The following CCDC141 variants were observed in gnomAD, a reference collection of about 807,000 sequenced individuals.
CCDC141 encodes coiled-coil domain-containing protein 141.
Under a neutral mutation model 181.0 loss-of-function variants are expected in CCDC141, and 168 were observed. That is an observed-to-expected ratio of 0.93 (90% CI 0.82 to 1.05). CCDC141 has a LOEUF of 1.05. CCDC141 is among the 50% of genes least tolerant of loss of function. CCDC141 has a pLI of 0.00. For missense variants in CCDC141, 1,902 were observed against 1,788.5 expected (o/e 1.06, Z -1.14); for synonymous variants, 666 against 642.3 (o/e 1.04, Z -0.56).
At chr2:178,986,974 G>T (rs923170023) in intron 2 of CCDC141, among the ~76,000 whole-genome samples, 1 of 151,984 alleles carries the variant, frequency 6.6e-6, no homozygotes, top group African/African-American at 2.4e-5. Context: ...CTACTTTACA[G>T]TTCATATGGA....
At chr2:178,852,578 G>A (rs1685209589) in intron 20 of CCDC141, among the ~76,000 whole-genome samples, 1 of 152,076 alleles carries the variant, frequency 6.6e-6, no homozygotes, top group African/African-American at 2.4e-5. Context: ...AACAATTTAA[G>A]TAGTATACTA....
intron 2 of CCDC141, among the ~76,000 whole-genome samples, chr2:178,989,281 A>C (rs1691910893): frequency 6.6e-6 from 1 of 152,150 alleles, no homozygotes; most frequent in African/African-American, 2.4e-5. Flanking sequence ...CAGAATATAC[A>C]AAGAGCTCTT....
intron 6 of CCDC141, among the ~76,000 whole-genome samples, chr2:178,931,364 A>G (rs1338781566): frequency 1.3e-5 from 2 of 152,214 alleles, no homozygotes; most frequent in Non-Finnish European, 2.9e-5. Flanking sequence ...AAAAAAACCC[A>G]TATACATGAA....
chr2:178,956,353 A>G (rs1487828005), intron 5 of CCDC141, among the ~76,000 whole-genome samples: 1 of 152,160 alleles, frequency 6.6e-6, no homozygotes, highest in East Asian at 1.9e-4. Context: ...CTGAAATGCA[A>G]TGGTGCAATC....
intron 7 of CCDC141, among the ~76,000 whole-genome samples, chr2:178,911,519 C>T (rs530414819): frequency 1.3e-5 from 2 of 152,276 alleles, no homozygotes; most frequent in African/African-American, 4.8e-5. Context: ...ACTTAATACC[C>T]TACAATTCCA....
At chr2:178,934,114 C>T (rs978886900) in intron 6 of CCDC141, among the ~76,000 whole-genome samples, 1 of 151,922 alleles carries the variant, frequency 6.6e-6, no homozygotes, top group South Asian at 2.1e-4. Flanking sequence ...TTTCAACACC[C>T]CCCAGGTGAC....
the CCDC141 span, among the ~76,000 whole-genome samples, chr2:178,823,052 C>T: frequency 2.0e-5 from 3 of 151,954 alleles, no homozygotes; most frequent in Non-Finnish European, 4.4e-5. Flanking sequence ...GAAGCCAGTA[C>T]ATTTGACTGC....
chr2:178,996,086 CTTTTT>C lies in CCDC141; in HGVS notation c.226-17416_226-17412del, dbSNP rs11356005. Among the ~76,000 whole-genome samples, 5 of 137,620 alleles carry C rather than the reference CTTTTT, an allele frequency of 3.6e-5. No homozygotes were observed. In the East Asian group the frequency reaches 1.0e-3, roughly 28 times the overall value. The allele number at this position is 137,620 out of a possible 152,430, so 90.3% of individuals were successfully genotyped here. A position where few individuals can be genotyped will look rare whatever the true frequency, so the allele number is the denominator to read the frequency against. ...ACAAATTCCATGAAATTTTAAAATT[CTTTTT>C]TTTTTTTTTTGGTGAGATGGAGTCT... is the stretch of plus-strand genomic sequence containing the variant. On this transcript the variant is annotated intron_variant, in intron 2 of 23. Coordinates refer to ENST00000443758, the MANE Select transcript of CCDC141 (RefSeq NM_173648.4).
intron 6 of CCDC141, among the ~76,000 whole-genome samples, chr2:178,939,130 C>T (rs1329662416): frequency 2.6e-5 from 4 of 152,104 alleles, no homozygotes; most frequent in Non-Finnish European, 1.5e-5. Context: ...TTCCAGAAAT[C>T]CTAACCCTGT....
chr2:178,952,532 G>A (rs969698279), intron 5 of CCDC141, among the ~76,000 whole-genome samples: 1 of 152,202 alleles, frequency 6.6e-6, no homozygotes, highest in Non-Finnish European at 1.5e-5. Context: ...ATCTGCACCA[G>A]AGTCCTGTTT....
chr2:179,038,706 A>G (rs1374759822), intron 2 of CCDC141, among the ~76,000 whole-genome samples: 1 of 152,194 alleles, frequency 6.6e-6, no homozygotes, highest in Non-Finnish European at 1.5e-5. Context: ...GGGCAAAAAT[A>G]AGCATTCCCT....
At chr2:178,828,413 A>G (rs1684156326), downstream of CCDC141, among the ~76,000 whole-genome samples, 3 of 152,292 alleles carry the variant, frequency 2.0e-5, no homozygotes, top group South Asian at 6.2e-4. Flanking sequence ...TCTCACCAGA[A>G]ATTATGTTCT....
intron 2 of CCDC141, among the ~76,000 whole-genome samples, chr2:179,039,215 T>C (rs922740281): frequency 6.6e-6 from 1 of 152,168 alleles, no homozygotes; most frequent in Non-Finnish European, 1.5e-5. Flanking sequence ...TTAAGTACAT[T>C]GCAGAAGGGA....
chr2:178,866,717 T>C (rs1685869526), intron 16 of CCDC141, among the ~76,000 whole-genome samples: 1 of 152,134 alleles, frequency 6.6e-6, no homozygotes, highest in Non-Finnish European at 1.5e-5. Context: ...TGTTTCTGTT[T>C]TTTTGTTTTG....
rs1181737784 is a variant in CCDC141, at chr2:178,872,122, C to T, written c.2079+11G>A. The T allele has an allele frequency of 5.0e-6, 8 of 1,612,332 alleles. No individual in the cohort carries two copies. The highest frequency in any genetic ancestry group is 1.7e-5 in the Admixed American group (1 of 59,754). ...TCATTCCTTTTCACATCCCATTGTT[C>T]CTTGCCTCACCTTTTTAAGTTGCTC... On this transcript the variant is annotated intron_variant, in intron 13 of 23. Transcript: ENST00000443758.
At chr2:178,818,081 G>A in the CCDC141 span, among the ~76,000 whole-genome samples, 1 of 152,228 alleles carries the variant, frequency 6.6e-6, no homozygotes, top group South Asian at 2.1e-4. Context: ...GGGATTACAG[G>A]CGTGAGCCAC....
chr2:178,836,737 A>G (rs1394792427), intron 23 of CCDC141, 157 bp downstream of exon 23: 4 of 734,024 alleles, frequency 5.4e-6, no homozygotes, highest in Non-Finnish European at 8.8e-6. Context: ...TGCTACTAAA[A>G]TGAGAGGGGT....
intron 16 of CCDC141, among the ~76,000 whole-genome samples, chr2:178,867,161 C>T (rs1406666921): frequency 1.3e-5 from 2 of 152,192 alleles, no homozygotes; most frequent in Non-Finnish European, 1.5e-5. Context: ...GCTTGGACTC[C>T]TCCATTCTGG....
At chr2:179,012,311 A>G (rs935183840) in intron 2 of CCDC141, among the ~76,000 whole-genome samples, 2 of 152,196 alleles carry the variant, frequency 1.3e-5, no homozygotes, top group African/African-American at 4.8e-5. Context: ...GACACCACTG[A>G]AATATAAAAG....
Sources: gnomAD v4.1 joint callset for allele counts (sites outside exome capture counted in the v4.1 genomes callset) on GRCh38, gnomAD v4.1.1 for gene constraint, MANE v1.5 for transcripts, NCBI Gene and HGNC (gene_info 2026-07-23, HGNC 2026-07-21) for gene names.